The following MPRIP variants were observed in gnomAD, a reference collection of about 807,000 sequenced individuals.
MPRIP encodes myosin phosphatase Rho interacting protein.
MPRIP carries 59 observed loss-of-function variants against 234.9 expected under a neutral mutation model. The observed-to-expected ratio is 0.25, with a 90% CI of 0.20 to 0.31. The LOEUF is 0.31. Ranked by LOEUF, MPRIP falls within the 10% of genes least tolerant of loss-of-function variation. MPRIP has a pLI of 1.00. For missense variants in MPRIP, 2,436 were observed against 3,071.0 expected (o/e 0.79, Z 4.89); for synonymous variants, 1,144 against 1,263.9 (o/e 0.91, Z 2.01).
intron 23 of MPRIP, 94 bp from the exon 24 acceptor site, chr17:17,184,729 C>G (rs1483042417): frequency 5.5e-6 from 5 of 907,924 alleles, no homozygotes; most frequent in Non-Finnish European, 8.9e-6. Flanking sequence ...TGACTGATGC[C>G]GGCTCCACCA....
At chr17:17,055,840 C>T (rs909745381) in intron 1 of MPRIP, among the ~76,000 whole-genome samples, 4 of 152,156 alleles carry the variant, frequency 2.6e-5, no homozygotes, top group African/African-American at 4.8e-5. Context: ...TGTTTTGTGG[C>T]GCTGTTGGTG....
chr17:17,051,648 T>TA (rs796710484), intron 1 of MPRIP, among the ~76,000 whole-genome samples: 3 of 152,360 alleles, frequency 2.0e-5, no homozygotes, highest in African/African-American at 7.2e-5. Flanking sequence ...GAGGCAGTCT[T>TA]ACAGCTGCTC....
chr17:17,064,082 G>A (rs2088946559), intron 1 of MPRIP, among the ~76,000 whole-genome samples: 1 of 152,218 alleles, frequency 6.6e-6, no homozygotes, highest in Non-Finnish European at 1.5e-5. Flanking sequence ...CATACGCGGT[G>A]CAGCTCAGGG....
chr17:17,142,351 G>GC (rs2045344823), intron 7 of MPRIP: 1 of 356,962 alleles, frequency 2.8e-6, no homozygotes, highest in African/African-American at 2.0e-5. Context: ...CGGGTGCCAA[G>GC]CTGTGTGAAT....
chr17:17,167,189 C>T lies in MPRIP; in HGVS notation c.5598C>T (p.Cys1866=). The change falls in exon 16 of 24, where the codon TGC becomes TGT. Residue 1866 remains cysteine (C), a synonymous_variant. Coordinates refer to ENST00000651222, the MANE Select transcript of MPRIP (RefSeq NM_001364716.4). This position sits in a 1 kb window ranked among gnomAD's most constrained non-coding sequence, Gnocchi z 5.9. ...AATATGAGAAGGAGCTCCAGCTCTG[C>T]AAGGAGTCCTGGCAAACCCGGGAGC... The part of the protein sequence containing the change: ...RLEYEKELQL[C]KESWQTREPS... 1 of 1,304,068 alleles carries T rather than the reference C, an allele frequency of 7.7e-7. No individual in the cohort carries two copies. The highest frequency in any genetic ancestry group is 1.0e-6 in the Non-Finnish European group (1 of 988,902). 80.8% of individuals were successfully genotyped at this position (1,304,068 alleles called of 1,614,324 possible). A position where few individuals can be genotyped will look rare whatever the true frequency, so the allele number is the denominator to read the frequency against.
Position 17,078,120 on chromosome 17 carries a change from AG to A in MPRIP, c.267+45del, listed in dbSNP as rs753403624. On this transcript the variant is annotated intron_variant, in intron 3 of 23. Coordinates refer to ENST00000651222, the MANE Select transcript of MPRIP (RefSeq NM_001364716.4). This position sits in a 1 kb window ranked among gnomAD's most constrained non-coding sequence, Gnocchi z 4.3. ...CACTCCCTGTCCCCAGCCTTCACCA[AG>A]TCCCTCCATTACAGTGCCCTTGCGT... The A allele has an allele frequency of 2.5e-6, 4 of 1,600,242 alleles. No homozygotes were observed. The Admixed American group carries it at 5.0e-5, about 20-fold the overall frequency.
At chr17:17,180,261 T>C (rs946676309) in intron 23 of MPRIP, 173 bp downstream of exon 23, 19 of 624,210 alleles carry the variant, frequency 3.0e-5, no homozygotes, top group Non-Finnish European at 4.8e-5. Context: ...TTGAGCTCTG[T>C]GTCTGTCTTG....
At chr17:17,153,315 C>T (rs1239358465) in intron 12 of MPRIP, among the ~76,000 whole-genome samples, 16 of 152,092 alleles carry the variant, frequency 1.1e-4, no homozygotes, top group African/African-American at 2.9e-4. Context: ...TGCATCCTGC[C>T]GTCAGCTTCC....
chr17:17,062,822 T>C (rs188851698), intron 1 of MPRIP, among the ~76,000 whole-genome samples: 2 of 152,372 alleles, frequency 1.3e-5, no homozygotes, highest in Admixed American at 6.5e-5. Flanking sequence ...CTTCTCTCTT[T>C]GTGAGTTCTT....
chr17:17,172,926 T>C, intron 18 of MPRIP, 111 bp downstream of exon 18: 5 of 925,752 alleles, frequency 5.4e-6, no homozygotes, highest in Non-Finnish European at 8.2e-6. Flanking sequence ...AAGTGGGGCC[T>C]GGGGCCCCTG....
In MPRIP at chr17:17,184,890, A is replaced by G; in HGVS notation, c.7274A>G (p.Asp2425Gly). 12 of 1,610,474 alleles carry G rather than the reference A, an allele frequency of 7.5e-6. No homozygotes were observed. The highest frequency in any genetic ancestry group is 1.0e-5 in the Non-Finnish European group (12 of 1,177,906). Residue 2425 changes from aspartate to glycine, a missense_variant, in exon 24 of 24, where the codon GAC (aspartate) becomes GGC (glycine). Physicochemically the swap from Asp to Gly is moderately conservative, Grantham distance 94. Around this residue, in one of 4 missense-constraint regions of MPRIP, gnomAD observed 1,998 missense variants for 2,520.3 expected, o/e 0.79. Coordinates refer to ENST00000651222, the MANE Select transcript of MPRIP (RefSeq NM_001364716.4). ...TTTGAATCCAGGGACTTGAAGAAAG[A>G]CTAGGTGTGTCCCATCCAAGTTGAG... The part of the protein sequence containing the change: ...KLFESRDLKK[D>G]
chr17:17,077,087 G>A (rs117466703), intron 2 of MPRIP: 4,193 of 152,052 alleles, frequency 0.028, 89 homozygotes, highest in Middle Eastern at 0.065. Flanking sequence ...GGCTACAGGC[G>A]TGCATCACCA....
At chr17:17,121,489 G>A (rs1004136640) in intron 3 of MPRIP, among the ~76,000 whole-genome samples, 4 of 76,744 alleles carry the variant, frequency 5.2e-5, no homozygotes, top group Non-Finnish European at 1.3e-4. Context: ...AATGTTCAGT[G>A]AGAGGACACG....
intron 1 of MPRIP, among the ~76,000 whole-genome samples, chr17:17,045,812 T>G (rs1202544576): frequency 2.0e-5 from 3 of 151,682 alleles, no homozygotes; most frequent in East Asian, 1.9e-4. Context: ...ATACAGTTTT[T>G]TTTTTTTTTT....
intron 1 of MPRIP, among the ~76,000 whole-genome samples, chr17:17,064,206 GT>G (rs796815329): frequency 0.033 from 4,676 of 140,444 alleles, 89 homozygotes; most frequent in Non-Finnish European, 0.053. Flanking sequence ...TTTTTGTTTT[GT>G]TTTTTTTTTT....
intron 3 of MPRIP, among the ~76,000 whole-genome samples, chr17:17,123,045 T>A (rs546377593): frequency 6.6e-6 from 1 of 152,228 alleles, no homozygotes; most frequent in African/African-American, 2.4e-5. Context: ...GTAAAAAGTA[T>A]TGAAAGACTG....
chr17:17,081,028 A>G (rs1248801985), intron 3 of MPRIP, among the ~76,000 whole-genome samples: 1 of 152,136 alleles, frequency 6.6e-6, no homozygotes, highest in East Asian at 1.9e-4. Flanking sequence ...TTGCAAAGCA[A>G]TCCCTACCTG....
chr17:17,111,035 T>C (rs1276158810), intron 3 of MPRIP, among the ~76,000 whole-genome samples: 2 of 151,750 alleles, frequency 1.3e-5, no homozygotes, highest in African/African-American at 4.8e-5. Context: ...ACTGATGTAT[T>C]AATAACAGGG....
intron 9 of MPRIP, among the ~76,000 whole-genome samples, chr17:17,144,092 A>G (rs1446681195): frequency 1.3e-5 from 2 of 152,146 alleles, no homozygotes; most frequent in Non-Finnish European, 2.9e-5. Context: ...CAGGCCTTGC[A>G]CCAGGTTCTC....
Sources: gnomAD v4.1 joint callset for allele counts (sites outside exome capture counted in the v4.1 genomes callset) on GRCh38, gnomAD v4.1.1 for gene constraint, gnomAD v4.1.1 regional missense constraint, Gnocchi (gnomAD v3.1) non-coding constraint, MANE v1.5 for transcripts, NCBI Gene and HGNC (gene_info 2026-07-23, HGNC 2026-07-21) for gene names.